GRM4: variants seen among roughly 807,000 people sequenced by gnomAD.
The protein encoded by GRM4 is metabotropic glutamate receptor 4.
In GRM4, 28 loss-of-function variants were observed where a neutral mutation model predicts 81.7. The observed-to-expected ratio is 0.34, with a 90% CI of 0.25 to 0.47. GRM4 has a LOEUF of 0.47. Among genes scored for constraint, GRM4 ranks in the 20% least tolerant of loss-of-function variants. The pLI is 1.00. For missense variants in GRM4, 948 were observed against 1,290.0 expected, an observed-to-expected ratio of 0.73 and a Z score of 4.06; for synonymous variants, 488 against 528.8, an observed-to-expected ratio of 0.92 and a Z score of 1.06.
intron 3 of GRM4, among the ~76,000 whole-genome samples, chr6:34,079,582 A>C (rs1767480211): frequency 6.6e-6 from 1 of 152,208 alleles, no homozygotes; most frequent in African/African-American, 2.4e-5. Context: ...TTCACAGATG[A>C]GGCCCCACTC....
At chr6:34,138,983 G>T (rs1446467690) in intron 1 of GRM4, among the ~76,000 whole-genome samples, 1 of 152,220 alleles carries the variant, frequency 6.6e-6, no homozygotes, top group Non-Finnish European at 1.5e-5. Context: ...CAGCTATAAG[G>T]AGGCATCTTG....
At chr6:34,137,001 G>A (rs2127513931) in intron 1 of GRM4, among the ~76,000 whole-genome samples, 1 of 152,330 alleles carries the variant, frequency 6.6e-6, no homozygotes, top group Non-Finnish European at 1.5e-5. Context: ...TCCTTCTGCA[G>A]AGGGAAGAGC....
At chr6:34,101,333 TAC>T (rs1436847465) in intron 2 of GRM4, among the ~76,000 whole-genome samples, 5 of 152,292 alleles carry the variant, frequency 3.3e-5, no homozygotes, top group African/African-American at 1.2e-4. Flanking sequence ...GAAACTGAGG[TAC>T]AGAGATGTTA....
At chr6:34,091,479 G>T (rs149942323) in intron 3 of GRM4, 229 of 193,320 alleles carry the variant, frequency 1.2e-3, no homozygotes, top group African/African-American at 4.9e-3. Flanking sequence ...TAATTTTAGG[G>T]GCTCCAAATT....
rs1769494160 is a variant in GRM4 at position 34,114,199 on chromosome 6, T to C, written c.519+18779A>G. ...GTCCCCACTCATGTAAGTGATTACA[T>C]CATGTCTCCTGTCTTTCTTCCCACT... On this transcript the variant is annotated intron_variant, in intron 2 of 10. Coordinates refer to ENST00000538487, the MANE Select transcript of GRM4 (RefSeq NM_000841.4). The surrounding 1 kb of genome is among the most constrained non-coding windows in gnomAD (Gnocchi z 4.3). Among the ~76,000 whole-genome samples, 1 of 152,172 alleles carries C rather than the reference T, an allele frequency of 6.6e-6. No homozygotes were observed. Among genetic ancestry groups the C allele is most frequent in the Admixed American group, 6.5e-5 (1 of 15,290 alleles).
At chr6:34,103,548 T>C (rs1231256881) in intron 2 of GRM4, 23 of 1,492,718 alleles carry the variant, frequency 1.5e-5, no homozygotes, top group Non-Finnish European at 1.9e-5. Flanking sequence ...TCCTATTTCA[T>C]AGGCGAAATG....
At chr6:34,024,135 G>T (rs376363032) in intron 10 of GRM4, 1 of 152,880 alleles carries the variant, frequency 6.5e-6, no homozygotes, top group South Asian at 2.1e-4. Context: ...TTGTCCCCCC[G>T]ATCCTCTCTC....
At chr6:34,146,985 G>C (rs145619477), upstream of GRM4, among the ~76,000 whole-genome samples, 1,294 of 151,140 alleles carry the variant, frequency 8.6e-3, 83 homozygotes, top group Admixed American at 0.078. Flanking sequence ...GACTATGCTA[G>C]GCCAAAACCA....
At chr6:34,037,589 G>C (rs1764777023) in intron 8 of GRM4, among the ~76,000 whole-genome samples, 1 of 152,174 alleles carries the variant, frequency 6.6e-6, no homozygotes, top group Admixed American at 6.5e-5. Flanking sequence ...AAGGGGCCAG[G>C]CATGGTAGCT....
chr6:34,110,700 G>A, intron 2 of GRM4: 1 of 1,520,212 alleles, frequency 6.6e-7, no homozygotes, highest in Non-Finnish European at 8.8e-7. Context: ...GTCTGCCTCA[G>A]CCTCCCCGCT....
rs3222082 is a variant in GRM4, at chr6:34,069,647, AGTGTGTGTGTGTGTGT to A, written c.737-7635_737-7620del. 0.08 allele frequency among the ~76,000 whole-genome samples: 11,489 copies of A among 144,482 alleles called. 893 individuals are homozygous for A. Among genetic ancestry groups the A allele is most frequent in the African/African-American group, 0.21 (8,488 of 40,470 alleles). The allele number at this position is 144,482 out of a possible 152,430, so 94.8% of individuals were successfully genotyped here. A position where few individuals can be genotyped will look rare whatever the true frequency, so the allele number is the denominator to read the frequency against. ...GGCTTTACAACCCTTGGCAGCCCCC[AGTGTGTGTGTGTGTGT>A]GTGTGTGTGTGTGTGTGTGTGTGTG... is the stretch of plus-strand genomic sequence containing the variant. On this transcript the variant is annotated intron_variant, in intron 3 of 10. Transcript: ENST00000538487. This position sits in a 1 kb window ranked among gnomAD's most constrained non-coding sequence, Gnocchi z 6.4.
In GRM4 at chr6:34,092,170, A is replaced by G. The variant is rs1768267135; in HGVS notation, c.520-71T>C. 14 of 1,022,506 alleles carry G rather than the reference A, an allele frequency of 1.4e-5. No individual in the cohort carries two copies. Among genetic ancestry groups the G allele is most frequent in the Middle Eastern group, 2.3e-4 (1 of 4,384 alleles). 63.3% of individuals were successfully genotyped at this position (1,022,506 alleles called of 1,614,324 possible). On this transcript the variant is annotated intron_variant, in intron 2 of 10. Coordinates refer to ENST00000538487, the MANE Select transcript of GRM4 (RefSeq NM_000841.4). The surrounding 1 kb of genome is among the most constrained non-coding windows in gnomAD (Gnocchi z 6.8). ...CCTGCCTAGCCAGCCCCATTCCCCT[A>G]CACACCAACCTCCCTTTGGTCCCCA...
intron 2 of GRM4, among the ~76,000 whole-genome samples, chr6:34,128,253 C>T (rs1440884611): frequency 1.3e-5 from 2 of 152,194 alleles, no homozygotes; most frequent in East Asian, 1.9e-4. Flanking sequence ...TCTTCCGCAT[C>T]GCCGGAGTCC....
chr6:34,144,359 CGCGCGTACACACAT>C (rs1770828779), intron 1 of GRM4, among the ~76,000 whole-genome samples: 1 of 152,234 alleles, frequency 6.6e-6, no homozygotes. Context: ...CCAGCACACA[CGCGCGTACACACAT>C]GCACACACAG....
Position 34,035,876 on chromosome 6 carries a change from T to G in GRM4, c.2234A>C (p.Lys745Thr). 1 of 1,610,168 alleles carries G rather than the reference T, an allele frequency of 6.2e-7. No homozygotes were observed. Among genetic ancestry groups the G allele is most frequent in the Non-Finnish European group, 8.5e-7 (1 of 1,176,736 alleles). ...GAGCGACAGGTCCGAGATGTCACAC[T>G]TGAGCACACCCCTGGCGAAGCGGGG... ...LDPRFARGVL[K>T]CDISDLSLIC... The change falls in exon 9 of 11, where the codon AAG becomes ACG. Residue 745 changes from lysine to threonine, a missense_variant. Transcript: ENST00000538487. This position sits in a 1 kb window ranked among gnomAD's most constrained non-coding sequence, Gnocchi z 6.6.
rs1764616613 is a variant in GRM4 at position 34,035,009 on chromosome 6, C to T, written c.2442+659G>A. ...ACTCCAGCCAAGGGAAGGAAAGGCC[C>T]TCTGCCAGCCCCTAGCCTTTAGGCT... On this transcript the variant is annotated intron_variant, in intron 9 of 10. Coordinates refer to ENST00000538487, the MANE Select transcript of GRM4 (RefSeq NM_000841.4). This position sits in a 1 kb window ranked among gnomAD's most constrained non-coding sequence, Gnocchi z 6.6. 6.6e-6 allele frequency among the ~76,000 whole-genome samples: 1 copy of T among 152,208 alleles called. No homozygotes were observed. The highest frequency in any genetic ancestry group is 1.5e-5 in the Non-Finnish European group (1 of 68,048).
intron 8 of GRM4, 110 bp downstream of exon 8, chr6:34,040,068 A>G: frequency 9.5e-7 from 1 of 1,053,170 alleles, no homozygotes; most frequent in Non-Finnish European, 1.4e-6. Flanking sequence ...GCCTGGCAGC[A>G]GCGGTCCTGG....
chr6:34,023,030 C>T (rs974457387), intron 10 of GRM4, among the ~76,000 whole-genome samples, 160 bp from the exon 11 acceptor site: 1 of 152,248 alleles, frequency 6.6e-6, no homozygotes, highest in Non-Finnish European at 1.5e-5. Context: ...CAAACTGCAC[C>T]GGCCCCGCCT....
intron 1 of GRM4, among the ~76,000 whole-genome samples, chr6:34,143,275 G>GGAGGCACC (rs1294533856): frequency 6.6e-6 from 1 of 152,138 alleles, no homozygotes; most frequent in African/African-American, 2.4e-5. Flanking sequence ...GCAGAGGCTT[G>GGAGGCACC]GAGGCACCAT....
Sources: gnomAD v4.1 joint callset for allele counts (sites outside exome capture counted in the v4.1 genomes callset) on GRCh38, gnomAD v4.1.1 for gene constraint, Gnocchi (gnomAD v3.1) non-coding constraint, MANE v1.5 for transcripts, NCBI Gene and HGNC (gene_info 2026-07-23, HGNC 2026-07-21) for gene names.